The following DNAH6 variants were observed in gnomAD, a reference collection of about 807,000 sequenced individuals.
DNAH6 encodes axonemal beta dynein heavy chain 6.
In DNAH6, 340 loss-of-function variants were observed where a neutral mutation model predicts 491.4. The ratio of observed to expected loss-of-function variants is 0.69; its 90% CI spans 0.63 to 0.76. DNAH6 has a LOEUF of 0.76. Ranked by LOEUF, DNAH6 falls within the 30% of genes least tolerant of loss-of-function variation. The pLI is 0.00. For missense variants in DNAH6, 4,443 were observed against 4,972.2 expected, an observed-to-expected ratio of 0.89 and a Z score of 3.20; for synonymous variants, 1,603 against 1,686.1, an observed-to-expected ratio of 0.95 and a Z score of 1.21.
chr2:84,560,895 T>C (rs796851122), intron 11 of DNAH6, among the ~76,000 whole-genome samples: 6 of 151,880 alleles, frequency 4.0e-5, no homozygotes, highest in African/African-American at 1.4e-4. Flanking sequence ...GTCTTCGCTA[T>C]TGTGAATAGT....
Sources: gnomAD v4.1 joint callset for allele counts (sites outside exome capture counted in the v4.1 genomes callset) on GRCh38, gnomAD v4.1.1 for gene constraint, MANE v1.5 for transcripts, NCBI Gene and HGNC (gene_info 2026-07-23, HGNC 2026-07-21) for gene names.